The following SLC22A24 variants were observed in gnomAD, a reference collection of about 807,000 sequenced individuals.
SLC22A24 encodes solute carrier family 22 member 24.
Under a neutral mutation model 49.8 loss-of-function variants are expected in SLC22A24, and 53 were observed. That is an observed-to-expected ratio of 1.06 (90% CI 0.85 to 1.34). The LOEUF is 1.34. Ranked by LOEUF, SLC22A24 falls within the 40% of genes most tolerant of loss-of-function variation. The probability of loss-of-function intolerance (pLI) is 0.00; values close to 1 mark genes in which losing one functional copy is unlikely to be tolerated. For synonymous variants in SLC22A24, 302 were observed against 256.4 expected (o/e 1.18, Z -1.70); for missense variants, 786 against 675.9 (o/e 1.16, Z -1.81).
intron 4 of SLC22A24, among the ~76,000 whole-genome samples, chr11:63,108,843 CT>C (rs200986053): frequency 0.042 from 6,040 of 143,924 alleles, 172 homozygotes; most frequent in Non-Finnish European, 0.065. Flanking sequence ...CTTTACATTT[CT>C]TTTTTTTTAT....
At chr11:63,133,327 C>G (rs759168583) in intron 2 of SLC22A24, among the ~76,000 whole-genome samples, 6 of 152,208 alleles carry the variant, frequency 3.9e-5, no homozygotes, top group Non-Finnish European at 7.3e-5. Context: ...CACCCACTGT[C>G]CAACCAGTCC....
intron 2 of SLC22A24, among the ~76,000 whole-genome samples, chr11:63,131,987 C>CT (rs1298012755): frequency 8.5e-5 from 13 of 152,234 alleles, no homozygotes; most frequent in South Asian, 8.3e-4. Flanking sequence ...TCTTTTCACT[C>CT]TTTTTTCTCT....
rs1203549799 is a variant in SLC22A24, at chr11:63,109,361, T to C, written c.831-5063A>G. ...ATTTATAGTCCTTTGGGTATATACC[T>C]AGTAATGGGATGGCTGGGTCAAATG... On this transcript the variant is annotated intron_variant, in intron 4 of 9. Transcript: ENST00000612278. 8.0e-3 allele frequency among the ~76,000 whole-genome samples: 1,170 copies of C among 146,996 alleles called. 19 individuals carry two copies. The highest frequency in any genetic ancestry group is 0.028 in the African/African-American group (1,110 of 40,072).
intron 1 of SLC22A24, among the ~76,000 whole-genome samples, chr11:63,139,816 C>A (rs1314466199): frequency 6.6e-6 from 1 of 152,202 alleles, no homozygotes; most frequent in Non-Finnish European, 1.5e-5. Flanking sequence ...GGCCCTTTTC[C>A]TCCAAGGGCT....
At chr11:63,128,706 G>T (rs2087311539) in intron 2 of SLC22A24, among the ~76,000 whole-genome samples, 1 of 151,670 alleles carries the variant, frequency 6.6e-6, no homozygotes, top group Non-Finnish European at 1.5e-5. Flanking sequence ...AAATTGGGAA[G>T]GGCCCCCGTC....
At chr11:63,128,596 A>C (rs188048751) in intron 2 of SLC22A24, among the ~76,000 whole-genome samples, 9 of 152,294 alleles carry the variant, frequency 5.9e-5, no homozygotes, top group Admixed American at 5.9e-4. Context: ...TGCCTTCTAG[A>C]TAGCAGTAGC....
At chr11:63,107,860 AC>A in intron 4 of SLC22A24, among the ~76,000 whole-genome samples, 1 of 152,242 alleles carries the variant, frequency 6.6e-6, no homozygotes, top group East Asian at 1.9e-4. Context: ...TTCTAGATAT[AC>A]AATCATGTCA....
chr11:63,142,307 A>G (rs188538490), intron 1 of SLC22A24, among the ~76,000 whole-genome samples: 1 of 152,288 alleles, frequency 6.6e-6, no homozygotes, highest in East Asian at 1.9e-4. Flanking sequence ...TTCATAGCCT[A>G]CATCTTAAGA....
intron 4 of SLC22A24, among the ~76,000 whole-genome samples, chr11:63,115,053 T>C (rs2087202013): frequency 6.6e-6 from 1 of 152,206 alleles, no homozygotes; most frequent in South Asian, 2.1e-4. Flanking sequence ...CTGTCCATTC[T>C]CAGAGCTCAT....
At chr11:63,140,836 T>C (rs1259486944) in intron 1 of SLC22A24, among the ~76,000 whole-genome samples, 1 of 152,128 alleles carries the variant, frequency 6.6e-6, no homozygotes, top group Non-Finnish European at 1.5e-5. Flanking sequence ...GAATGTAATT[T>C]TTTCTGGTTT....
intron 1 of SLC22A24, among the ~76,000 whole-genome samples, chr11:63,140,709 A>C (rs2087409541): frequency 6.6e-6 from 1 of 152,236 alleles, no homozygotes; most frequent in African/African-American, 2.4e-5. Context: ...CAAAGAGTTA[A>C]CATTGGAATA....
At chr11:63,133,889 C>G (rs117553016) in intron 2 of SLC22A24, among the ~76,000 whole-genome samples, 1 of 152,204 alleles carries the variant, frequency 6.6e-6, no homozygotes, top group South Asian at 2.1e-4. Context: ...AAGTGATTCA[C>G]CCACCTTGGC....
chr11:63,100,612 G>A (rs1233952677), intron 5 of SLC22A24, among the ~76,000 whole-genome samples: 1 of 152,118 alleles, frequency 6.6e-6, no homozygotes, highest in African/African-American at 2.4e-5. Context: ...GCTACTCTGA[G>A]TAAAAAGAAT....
At chr11:63,083,574 A>G in intron 6 of SLC22A24, 117 bp from the exon 7 acceptor site, 1 of 796,486 alleles carries the variant, frequency 1.3e-6, no homozygotes, top group East Asian at 2.7e-5. Context: ...CAATTGGCAA[A>G]TGGTGTTTTT....
chr11:63,108,789 C>T (rs1374023787), intron 4 of SLC22A24, among the ~76,000 whole-genome samples: 1 of 148,698 alleles, frequency 6.7e-6, no homozygotes, highest in Non-Finnish European at 1.5e-5. Context: ...TCCCCTTTAT[C>T]ATTTTTTTTT....
At chr11:63,121,718 A>G (rs1244233072) in intron 2 of SLC22A24, among the ~76,000 whole-genome samples, 2 of 152,002 alleles carry the variant, frequency 1.3e-5, no homozygotes, top group Non-Finnish European at 2.9e-5. Flanking sequence ...TACACGTGCC[A>G]TGCTGGTGTG....
At chr11:63,102,789 TA>T (rs905243691) in intron 5 of SLC22A24, among the ~76,000 whole-genome samples, 21 of 152,134 alleles carry the variant, frequency 1.4e-4, no homozygotes, top group African/African-American at 4.8e-4. Context: ...CCTTGAGACC[TA>T]ATCAAGGAAC....
chr11:63,138,296 G>A (rs1389069468), intron 1 of SLC22A24, among the ~76,000 whole-genome samples: 1 of 152,118 alleles, frequency 6.6e-6, no homozygotes, highest in Non-Finnish European at 1.5e-5. Context: ...TGGGGTTCAT[G>A]TCATAGTCCT....
chr11:63,081,642 A>G lies in SLC22A24; in HGVS notation c.1310T>C (p.Leu437Ser), dbSNP rs1324005779. 3 of 1,551,282 alleles carry G rather than the reference A, an allele frequency of 1.9e-6. No individual in the cohort carries two copies. Among genetic ancestry groups the G allele is most frequent in the Non-Finnish European group, 2.6e-6 (3 of 1,146,710 alleles). The change falls in exon 8 of 10, where the codon TTA (leucine) becomes TCA (serine). Residue 437 changes from leucine to serine, a missense_variant. By Grantham distance (145) the Leu-to-Ser change is moderately radical. Coordinates refer to ENST00000612278, the MANE Select transcript of SLC22A24 (RefSeq NM_001136506.2). ...AACACTACCAATTCCCAAAGTTGCT[A>G]AAACCACACGCAGGATCTGCATTTC... ...PQEMQILRVVLATLGIGSVSA... is the reference protein window; with the variant it reads ...PQEMQILRVVSATLGIGSVSA...
Sources: allele counts gnomAD v4.1 joint callset (sites outside exome capture counted in the v4.1 genomes callset), GRCh38; gene constraint gnomAD v4.1.1; transcripts MANE v1.5; gene names NCBI Gene and HGNC (gene_info 2026-07-23, HGNC 2026-07-21).